COLGALT1: variants seen among roughly 807,000 people sequenced by gnomAD.
COLGALT1 encodes the protein procollagen galactosyltransferase 1.
COLGALT1 carries 43 observed loss-of-function variants against 60.8 expected under a neutral mutation model. That is an observed-to-expected ratio of 0.71 (90% CI 0.55 to 0.91). The LOEUF (loss-of-function observed/expected upper bound fraction) is 0.91. Among genes scored for constraint, COLGALT1 ranks in the 40% least tolerant of loss-of-function variants. The pLI is 0.00. For missense variants in COLGALT1, 845 were observed against 880.0 expected (o/e 0.96, Z 0.50); for synonymous variants, 369 against 374.2 (o/e 0.99, Z 0.16).
chr19:17,568,526 A>G lies in COLGALT1; in HGVS notation c.642A>G (p.Thr214=). The G allele has an allele frequency of 1.9e-6, 3 of 1,614,066 alleles. No homozygotes were observed. Among genetic ancestry groups the G allele is most frequent in the Non-Finnish European group, 8.5e-7 (1 of 1,179,996 alleles). The part of the protein sequence containing the change: ...GMTSQGYYKR[T]PAYIPIRKRD... ...CCCCACAGGGCTACTACAAGCGCAC[A>G]CCTGCCTACATCCCTATCCGCAAGC... Residue 214 remains threonine, a synonymous_variant, in exon 5 of 12, where the codon ACA becomes ACG. Transcript: ENST00000252599.
At chr19:17,581,098 C>A in intron 11 of COLGALT1, 79 bp from the exon 12 acceptor site, 1 of 1,527,294 alleles carries the variant, frequency 6.5e-7, no homozygotes, top group Non-Finnish European at 8.9e-7. Flanking sequence ...CCGCTGACTT[C>A]TTCACCCCCA....
At chr19:17,572,755 G>T (rs2076320589) in intron 6 of COLGALT1, among the ~76,000 whole-genome samples, 153 bp downstream of exon 6, 1 of 152,262 alleles carries the variant, frequency 6.6e-6, no homozygotes, top group African/African-American at 2.4e-5. Flanking sequence ...ACGAGGTGGA[G>T]GGTTGTGTCT....
intron 10 of COLGALT1, 42 bp from the exon 11 acceptor site, chr19:17,580,657 G>A (rs759864863): frequency 1.1e-5 from 17 of 1,599,750 alleles, no homozygotes; most frequent in African/African-American, 5.4e-5. Context: ...AGCTCCCTCC[G>A]GAGGGCGGGA....
At position 17,555,887 on chromosome 19, in the gene COLGALT1, G is replaced by T; in HGVS notation, c.174G>T (p.Leu58=). ...AGGCGCCGCGCGTGCTCATCGCGCTGTTGGCGCGAAACGCGGCCCACGCGT... is the reference window on the plus strand; with the variant it reads ...AGGCGCCGCGCGTGCTCATCGCGCTTTTGGCGCGAAACGCGGCCCACGCGT... ...PLQAPRVLIA[L]LARNAAHALP... Residue 58 remains leucine, a synonymous_variant, in exon 1 of 12, where the codon CTG becomes CTT. Coordinates refer to ENST00000252599, the MANE Select transcript of COLGALT1 (RefSeq NM_024656.4). 1.4e-6 allele frequency: 2 copies of T among 1,393,072 alleles called. No homozygotes were observed. Among genetic ancestry groups the T allele is most frequent in the Non-Finnish European group, 1.9e-6 (2 of 1,071,620 alleles). The allele number at this position is 1,393,072 out of a possible 1,614,324, so 86.3% of individuals were successfully genotyped here.
chr19:17,565,317 G>A (rs1183249769), intron 3 of COLGALT1, among the ~76,000 whole-genome samples: 5 of 151,854 alleles, frequency 3.3e-5, no homozygotes, highest in South Asian at 4.2e-4. Flanking sequence ...CACCATGCCC[G>A]GCTAATTATT....
rs530625961 is a variant in COLGALT1, at chr19:17,581,651, C to CT, written c.*208dup. 220 of 678,030 alleles carry CT rather than the reference C, an allele frequency of 3.2e-4. 2 individuals are homozygous for CT. The African/African-American group carries it at 3.4e-3, about 10-fold the overall frequency. 42.0% of individuals were successfully genotyped at this position (678,030 alleles called of 1,614,324 possible). A position where few individuals can be genotyped will look rare whatever the true frequency, so the allele number is the denominator to read the frequency against. ...TGCATGCCAGCAACAGGGCTTGGCC[C>CT]TGGGGAATTGGGAGGAACCAAGCCC... On this transcript the variant is annotated 3_prime_UTR_variant, in exon 12 of 12. Transcript: ENST00000252599.
intron 3 of COLGALT1, among the ~76,000 whole-genome samples, chr19:17,561,098 G>A: frequency 6.6e-6 from 1 of 151,172 alleles, no homozygotes; most frequent in East Asian, 2.0e-4. Flanking sequence ...CCGGCTACCT[G>A]GGAGGCTGAG....
At chr19:17,559,795 G>GT (rs897823278) in intron 2 of COLGALT1, among the ~76,000 whole-genome samples, 102 of 147,596 alleles carry the variant, frequency 6.9e-4, no homozygotes, top group Admixed American at 1.8e-3. Flanking sequence ...CTGGGTTTTT[G>GT]TTTTTTTTTT....
Position 17,577,262 on chromosome 19 carries a change from C to T in COLGALT1, c.1017C>T (p.Gly339=). Residue 339 remains glycine, a synonymous_variant, in exon 7 of 12, where the codon GGC becomes GGT. Transcript: ENST00000252599. The part of the protein sequence containing the change: ...SAPTKTPDKM[G]FDEVFMINLR... ...CCACCAAGACACCGGACAAGATGGG[C>T]TTCGACGAGGTGAGCTGGGCCTTCC... The T allele has an allele frequency of 6.2e-7, 1 of 1,613,162 alleles. No homozygotes were observed. Among genetic ancestry groups the T allele is most frequent in the Non-Finnish European group, 8.5e-7 (1 of 1,179,664 alleles).
At chr19:17,577,112 C>G (rs2076347745) in intron 6 of COLGALT1, 83 bp from the exon 7 acceptor site, 1 of 1,374,128 alleles carries the variant, frequency 7.3e-7, no homozygotes, top group Admixed American at 1.8e-5. Context: ...TGACTGGGAG[C>G]CATGGAGTGG....
intron 3 of COLGALT1, among the ~76,000 whole-genome samples, chr19:17,564,955 T>C (rs2076272052): frequency 6.6e-6 from 1 of 152,104 alleles, no homozygotes; most frequent in African/African-American, 2.4e-5. Context: ...TACGGATTTG[T>C]CAATGGAATG....
intron 6 of COLGALT1, among the ~76,000 whole-genome samples, chr19:17,573,370 A>G (rs541321088): frequency 6.6e-6 from 1 of 152,116 alleles, no homozygotes; most frequent in Non-Finnish European, 1.5e-5. Flanking sequence ...TACTAAAAAT[A>G]CAAAAAAAAT....
At chr19:17,572,443 C>T in intron 5 of COLGALT1, 40 bp from the exon 6 acceptor site, 1 of 1,613,202 alleles carries the variant, frequency 6.2e-7, no homozygotes, top group Non-Finnish European at 8.5e-7. Context: ...TGGGCCTCGC[C>T]TGTTTTTACA....
rs752828803 is a variant in COLGALT1, at chr19:17,577,173, CCT to C, written c.950-20_950-19del. Reference sequence around the variant, plus strand: ...CTGGAGGCTCCTTACCCCAGCGACTCCTCAACGTCTGTGCCCCACAGTGAAGC... The same window carrying C: ...CTGGAGGCTCCTTACCCCAGCGACTCCAACGTCTGTGCCCCACAGTGAAGC... On this transcript the variant is annotated intron_variant, in intron 6 of 11. Coordinates refer to ENST00000252599, the MANE Select transcript of COLGALT1 (RefSeq NM_024656.4). The C allele has an allele frequency of 2.2e-5, 36 of 1,612,130 alleles. No homozygotes were observed. The Admixed American group carries it at 6.0e-4, about 27-fold the overall frequency.
chr19:17,556,852 G>A (rs962685130), intron 1 of COLGALT1, among the ~76,000 whole-genome samples: 8 of 152,206 alleles, frequency 5.3e-5, no homozygotes, highest in African/African-American at 1.7e-4. Flanking sequence ...GTTCGAGGCT[G>A]CAGTGACCTA....
chr19:17,555,734 G>T lies in COLGALT1; in HGVS notation c.21G>T (p.Ala7=). ...GCGCGATGGCGGCGGCCCCACGCGC[G>T]GGCCGGCGGCGCGGGCAGCCGCTCC... is the stretch of plus-strand genomic sequence containing the variant. MAAAPR[A]GRRRGQPLLA... Residue 7 remains alanine, a synonymous_variant, in exon 1 of 12, where the codon GCG becomes GCT. Transcript: ENST00000252599. 1 of 1,201,874 alleles carries T rather than the reference G, an allele frequency of 8.3e-7. No homozygotes were observed. Among genetic ancestry groups the T allele is most frequent in the South Asian group, 4.2e-5 (1 of 23,912 alleles). 74.5% of individuals were successfully genotyped at this position (1,201,874 alleles called of 1,614,324 possible). A position where few individuals can be genotyped will look rare whatever the true frequency, so the allele number is the denominator to read the frequency against.
chr19:17,559,287 G>A (rs751421590), intron 1 of COLGALT1, 24 bp from the exon 2 acceptor site: 21 of 1,531,224 alleles, frequency 1.4e-5, no homozygotes, highest in Admixed American at 2.0e-5. Context: ...CCCCAAGTAC[G>A]CTGCCTGTCC....
chr19:17,579,570 T>C lies in COLGALT1; in HGVS notation c.1355T>C (p.Met452Thr), dbSNP rs145353960. The C allele has an allele frequency of 4.0e-5, 64 of 1,602,410 alleles. No homozygotes were observed. The African/African-American group carries it at 7.0e-4, about 17-fold the overall frequency. Residue 452 changes from methionine (M) to threonine (T), a missense_variant, in exon 10 of 12, where the codon ATG becomes ACG. Coordinates refer to ENST00000252599, the MANE Select transcript of COLGALT1 (RefSeq NM_024656.4). ...IFFKRRLMNL[M>T]RDVEREGLDW... ...TTCAAGAGACGTCTGATGAACCTCATGCGGGATGTGGAGCGGGAGGGCCTG... is the reference window on the plus strand; with the variant it reads ...TTCAAGAGACGTCTGATGAACCTCACGCGGGATGTGGAGCGGGAGGGCCTG...
At chr19:17,565,979 A>G (rs2076277559) in intron 3 of COLGALT1, 1 of 152,112 alleles carries the variant, frequency 6.6e-6, no homozygotes, top group East Asian at 1.9e-4. Flanking sequence ...CTGGAATTCT[A>G]GTTTTTGTTG....
Sources: allele counts gnomAD v4.1 joint callset (sites outside exome capture counted in the v4.1 genomes callset), GRCh38; gene constraint gnomAD v4.1.1; transcripts MANE v1.5; gene names NCBI Gene and HGNC (gene_info 2026-07-23, HGNC 2026-07-21).